Variants in TBC1D24 observed in about 807,000 individuals in gnomAD.
The protein encoded by TBC1D24 is Infantile myoclonic epilepsy.
Under a neutral mutation model 50.7 loss-of-function variants are expected in TBC1D24, and 47 were observed. The ratio of observed to expected loss-of-function variants is 0.93; its 90% CI spans 0.73 to 1.18. TBC1D24 has a LOEUF of 1.18. Ranked by LOEUF, TBC1D24 falls within the 50% of genes most tolerant of loss-of-function variation. The pLI is 0.00. For missense variants in TBC1D24, 688 were observed against 766.5 expected, an observed-to-expected ratio of 0.90 and a Z score of 1.21; for synonymous variants, 324 against 335.2, an observed-to-expected ratio of 0.97 and a Z score of 0.36.
Position 2,486,533 on chromosome 16 carries a change from G to C in TBC1D24, c.-115-9501G>C, listed in dbSNP as rs1009774219. Among the ~76,000 whole-genome samples, 3 of 152,204 alleles carry C rather than the reference G, an allele frequency of 2.0e-5. No individual in the cohort carries two copies. The highest frequency in any genetic ancestry group is 6.5e-5 in the Admixed American group (1 of 15,288). On this transcript the variant is annotated intron_variant, in intron 1 of 7. Coordinates refer to ENST00000646147, the MANE Select transcript of TBC1D24 (RefSeq NM_001199107.2). The surrounding 1 kb of genome is among the most constrained non-coding windows in gnomAD (Gnocchi z 5.8). ...GTGTGTGGTGGTCAGGCCAGGGCAG[G>C]ATGGGGCCCAGGCCTGCAACCCCAG...
At position 2,496,925 on chromosome 16, in the gene TBC1D24, G is replaced by T. The variant is rs746283136; in HGVS notation, c.777G>T (p.Pro259=). The change falls in exon 2 of 8, where the codon CCG becomes CCT. Residue 259 remains proline, a synonymous_variant. Transcript: ENST00000646147. ...KFFHKVRAGQ[P]LESDSVKQDI... The stretch of plus-strand genomic sequence containing the variant: ...TCCACAAGGTGAGGGCCGGGCAGCC[G>T]CTGGAGTCGGACAGCGTGAAGCAGG... 6 of 1,614,024 alleles carry T rather than the reference G, an allele frequency of 3.7e-6. No homozygotes were observed. The African/African-American group carries it at 5.3e-5, about 14-fold the overall frequency.
chr16:2,479,089 C>G (rs1346871815), intron 1 of TBC1D24: 1 of 152,142 alleles, frequency 6.6e-6, no homozygotes, highest in Non-Finnish European at 1.5e-5. Flanking sequence ...GACGGGGTCT[C>G]ACTTTGTTGC....
Position 2,500,535 on chromosome 16 carries a change from G to A in TBC1D24, c.1525+45G>A, listed in dbSNP as rs1489345787. 22 of 1,523,700 alleles carry A rather than the reference G, an allele frequency of 1.4e-5. No individual in the cohort carries two copies. The highest frequency in any genetic ancestry group is 6.0e-5 in the South Asian group (5 of 83,342). The allele number at this position is 1,523,700 out of a possible 1,614,324, so 94.4% of individuals were successfully genotyped here. A position where few individuals can be genotyped will look rare whatever the true frequency, so the allele number is the denominator to read the frequency against. ...GCTCTGGGATGAGGGTGTGGGGTCC[G>A]GGCAGCTGAAGCTGCTGCACCCAGC... On this transcript the variant is annotated intron_variant, in intron 7 of 7. Transcript: ENST00000646147. This position sits in a 1 kb window ranked among gnomAD's most constrained non-coding sequence, Gnocchi z 8.0.
rs545689324 is a variant in TBC1D24, at chr16:2,496,957, G to A, written c.809G>A (p.Arg270His). Residue 270 changes from arginine (R) to histidine (H), a missense_variant, in exon 2 of 8, where the codon CGC (arginine) becomes CAC (histidine). Arg to His is a conservative substitution (Grantham distance 29). Transcript: ENST00000646147. ...LESDSVKQDI[R>H]TFVRDIAKTV... ...TCGGACAGCGTGAAGCAGGACATCC[G>A]CACGTTCGTCAGAGACATCGCGAAG... The A allele has an allele frequency of 2.2e-5, 35 of 1,614,014 alleles. No homozygotes were observed. The highest frequency in any genetic ancestry group is 1.7e-5 in the Admixed American group (1 of 60,034).
At position 2,503,974 on chromosome 16, in the gene TBC1D24, C is replaced by T. The variant is rs1441130041; in HGVS notation, c.*3016C>T. ...AGTTTATTAAATGAATTCATTAAAG[C>T]AGATTATATGCCTTTGGGGCTTCAG... On this transcript the variant is annotated 3_prime_UTR_variant, in exon 8 of 8. Transcript: ENST00000646147. 6.6e-6 allele frequency: 1 copy of T among 152,154 alleles called. No homozygotes were observed. The highest frequency in any genetic ancestry group is 1.5e-5 in the Non-Finnish European group (1 of 68,026). The allele number at this position is 152,154 out of a possible 1,614,324, so 9.4% of individuals were successfully genotyped here.
Position 2,499,726 on chromosome 16 carries a change from C to A in TBC1D24, c.1207-109C>A. 1.0e-6 allele frequency: 1 copy of A among 989,716 alleles called. No individual in the cohort carries two copies. The allele number at this position is 989,716 out of a possible 1,614,324, so 61.3% of individuals were successfully genotyped here. On this transcript the variant is annotated intron_variant, in intron 5 of 7. Transcript: ENST00000646147. The surrounding 1 kb of genome is among the most constrained non-coding windows in gnomAD (Gnocchi z 4.0). ...GCCCTGGGGTGGGGGTGGGAGACGGCAATGCCTGCACCCCCACCTGTGACC... is the reference window on the plus strand; with the variant it reads ...GCCCTGGGGTGGGGGTGGGAGACGGAAATGCCTGCACCCCCACCTGTGACC...
In TBC1D24 at chr16:2,475,417, G is replaced by A. The variant is rs2065558160; in HGVS notation, c.-116+247G>A. 6.6e-6 allele frequency among the ~76,000 whole-genome samples: 1 copy of A among 151,940 alleles called. No individual in the cohort carries two copies. Among genetic ancestry groups the A allele is most frequent in the Admixed American group, 6.5e-5 (1 of 15,280 alleles). ...CAGGAGCGGGACCCCCTGGGCGCGA[G>A]GCCCGATCCCCGCCCGGTCGCTGGC... On this transcript the variant is annotated intron_variant, in intron 1 of 7. Transcript: ENST00000646147. The surrounding 1 kb of genome is among the most constrained non-coding windows in gnomAD (Gnocchi z 4.2).
At position 2,499,489 on chromosome 16, in the gene TBC1D24, G is replaced by A; in HGVS notation, c.1206+69G>A. 6.9e-7 allele frequency: 1 copy of A among 1,458,148 alleles called. No individual in the cohort carries two copies. 90.3% of individuals were successfully genotyped at this position (1,458,148 alleles called of 1,614,324 possible). ...AGGGCTGGCTCTGATGGGCTCCAGG[G>A]CTGGCTCTGATGGGCTTCAGGGCCT... is the stretch of plus-strand genomic sequence containing the variant. On this transcript the variant is annotated intron_variant, in intron 5 of 7. Transcript: ENST00000646147. The surrounding 1 kb of genome is among the most constrained non-coding windows in gnomAD (Gnocchi z 4.0).
chr16:2,502,933 A>T lies in TBC1D24; in HGVS notation c.*1975A>T, dbSNP rs1192923107. Reference sequence around the variant, plus strand: ...CGGGGGCTTCCTGGGCCTACAGCCAAGCAGGTGTGGGAGGCTGCCCGCTGT... The same window carrying T: ...CGGGGGCTTCCTGGGCCTACAGCCATGCAGGTGTGGGAGGCTGCCCGCTGT... On this transcript the variant is annotated 3_prime_UTR_variant, in exon 8 of 8. Coordinates refer to ENST00000646147, the MANE Select transcript of TBC1D24 (RefSeq NM_001199107.2). 6.6e-6 allele frequency: 1 copy of T among 152,550 alleles called. No individual in the cohort carries two copies. Among genetic ancestry groups the T allele is most frequent in the East Asian group, 1.9e-4 (1 of 5,204 alleles). The allele number at this position is 152,550 out of a possible 1,614,324, so 9.4% of individuals were successfully genotyped here.
At chr16:2,492,889 T>G (rs2065707006) in intron 1 of TBC1D24, among the ~76,000 whole-genome samples, 1 of 151,836 alleles carries the variant, frequency 6.6e-6, no homozygotes, top group Non-Finnish European at 1.5e-5. Flanking sequence ...GGTCGGGAGT[T>G]CGAGACCAGC....
In TBC1D24 at chr16:2,503,128, G is replaced by C. The variant is rs1050171855; in HGVS notation, c.*2170G>C. The C allele has an allele frequency of 2.6e-5, 4 of 152,274 alleles. No homozygotes were observed. Among genetic ancestry groups the C allele is most frequent in the Non-Finnish European group, 5.9e-5 (4 of 68,044 alleles). 9.4% of individuals were successfully genotyped at this position (152,274 alleles called of 1,614,324 possible). A position where few individuals can be genotyped will look rare whatever the true frequency, so the allele number is the denominator to read the frequency against. ...TAAGTCCAGCAGGTTCTGCGTGGCT[G>C]CCCCCAGGGGGCCCCACCCGGGCCT... On this transcript the variant is annotated 3_prime_UTR_variant, in exon 8 of 8. Transcript: ENST00000646147.
intron 1 of TBC1D24, among the ~76,000 whole-genome samples, chr16:2,494,514 G>T (rs1265886155): frequency 6.6e-6 from 1 of 152,168 alleles, no homozygotes; most frequent in African/African-American, 2.4e-5. Flanking sequence ...GTGCAGGGTG[G>T]TGTTTAGGAG....
At chr16:2,488,043 G>A (rs1478761564) in intron 1 of TBC1D24, among the ~76,000 whole-genome samples, 1 of 152,234 alleles carries the variant, frequency 6.6e-6, no homozygotes, top group Non-Finnish European at 1.5e-5. Flanking sequence ...TCTCCAGTGA[G>A]GATCTACTTC....
In TBC1D24 at chr16:2,486,007, C is replaced by T. The variant is rs1052635569; in HGVS notation, c.-115-10027C>T. ...TCATCCCTGGATCTTGCGGATCTCG[C>T]GCCCGGGCTGGAATGCCTGTGCTGC... On this transcript the variant is annotated intron_variant, in intron 1 of 7. Transcript: ENST00000646147. This position sits in a 1 kb window ranked among gnomAD's most constrained non-coding sequence, Gnocchi z 5.8. 3.3e-5 allele frequency among the ~76,000 whole-genome samples: 5 copies of T among 152,326 alleles called. No homozygotes were observed. The highest frequency in any genetic ancestry group is 7.2e-5 in the African/African-American group (3 of 41,580).
intron 2 of TBC1D24, 35 bp downstream of exon 2, chr16:2,497,148 G>A (rs2065750708): frequency 6.3e-7 from 1 of 1,598,574 alleles, no homozygotes; most frequent in South Asian, 1.1e-5. Flanking sequence ...GGTACACCCA[G>A]GGTCGGGGGC....
At position 2,500,193 on chromosome 16, in the gene TBC1D24, A is replaced by G. The variant is rs1252837171; in HGVS notation, c.1303-75A>G. On this transcript the variant is annotated intron_variant, in intron 6 of 7. Transcript: ENST00000646147. This position sits in a 1 kb window ranked among gnomAD's most constrained non-coding sequence, Gnocchi z 8.0. ...GCTCTGGGTGCAGATTCACGGGATG[A>G]AACGGGTTGTGGCTCTGGGGCAGAG... is the stretch of plus-strand genomic sequence containing the variant. The G allele has an allele frequency of 5.0e-6, 7 of 1,396,844 alleles. No homozygotes were observed. Among genetic ancestry groups the G allele is most frequent in the African/African-American group, 4.3e-5 (3 of 70,086 alleles). 86.5% of individuals were successfully genotyped at this position (1,396,844 alleles called of 1,614,324 possible). A position where few individuals can be genotyped will look rare whatever the true frequency, so the allele number is the denominator to read the frequency against.
rs1945745184 is a variant in TBC1D24, at chr16:2,502,515, G to C, written c.*1557G>C. ...TGCCTGCTCCTCCCATGGGGCTTTA[G>C]CCTCCCCTGACCATCTGCTCATGTA... On this transcript the variant is annotated 3_prime_UTR_variant, in exon 8 of 8. Coordinates refer to ENST00000646147, the MANE Select transcript of TBC1D24 (RefSeq NM_001199107.2). 1 of 152,468 alleles carries C rather than the reference G, an allele frequency of 6.6e-6. No individual in the cohort carries two copies. Among genetic ancestry groups the C allele is most frequent in the South Asian group, 2.1e-4 (1 of 4,842 alleles). The allele number at this position is 152,468 out of a possible 1,614,324, so 9.4% of individuals were successfully genotyped here.
intron 2 of TBC1D24, 66 bp downstream of exon 2, chr16:2,497,179 G>T: frequency 6.3e-7 from 1 of 1,592,160 alleles, no homozygotes; most frequent in Admixed American, 1.7e-5. Context: ...CGTGTCTGGC[G>T]TGAGCTCATC....
chr16:2,492,238 G>A (rs2065701359), intron 1 of TBC1D24, among the ~76,000 whole-genome samples: 1 of 152,052 alleles, frequency 6.6e-6, no homozygotes, highest in Non-Finnish European at 1.5e-5. Flanking sequence ...TGGGGAACAA[G>A]AAAGAATCCA....
Sources: gnomAD v4.1 joint callset for allele counts (sites outside exome capture counted in the v4.1 genomes callset) on GRCh38, gnomAD v4.1.1 for gene constraint, Gnocchi (gnomAD v3.1) non-coding constraint, MANE v1.5 for transcripts, NCBI Gene and HGNC (gene_info 2026-07-23, HGNC 2026-07-21) for gene names.